The following CNTNAP2 variants were observed in gnomAD, a reference collection of about 807,000 sequenced individuals.
The protein encoded by CNTNAP2 is contactin-associated protein-like 2.
Under a neutral mutation model 155.2 loss-of-function variants are expected in CNTNAP2, and 98 were observed. The ratio of observed to expected loss-of-function variants is 0.63; its 90% CI spans 0.54 to 0.75. The LOEUF (loss-of-function observed/expected upper bound fraction) is 0.75. Among genes scored for constraint, CNTNAP2 ranks in the 30% least tolerant of loss-of-function variants. The pLI is 0.00. For synonymous variants in CNTNAP2, 651 were observed against 631.2 expected, an observed-to-expected ratio of 1.03 and a Z score of -0.47; for missense variants, 1,727 against 1,688.1, an observed-to-expected ratio of 1.02 and a Z score of -0.40.
intron 21 of CNTNAP2, among the ~76,000 whole-genome samples, chr7:148,327,362 C>T (rs1797911121): frequency 1.3e-5 from 2 of 152,212 alleles, no homozygotes; most frequent in African/African-American, 4.8e-5. Context: ...TGCTGGACGA[C>T]TTCTCCCTGA....
chr7:148,266,795 A>G (rs1057381991), intron 20 of CNTNAP2, among the ~76,000 whole-genome samples: 2 of 152,150 alleles, frequency 1.3e-5, no homozygotes, highest in Non-Finnish European at 2.9e-5. Flanking sequence ...AATGTACATC[A>G]CCTGGAGAGC....
intron 1 of CNTNAP2, among the ~76,000 whole-genome samples, chr7:146,489,791 G>T (rs187431656): frequency 2.1e-4 from 32 of 151,938 alleles, no homozygotes; most frequent in Admixed American, 1.4e-3. Context: ...GGCACGTGGG[G>T]GTGGTCTCCA....
intron 1 of CNTNAP2, among the ~76,000 whole-genome samples, chr7:146,759,340 A>T (rs1802045838): frequency 6.6e-6 from 1 of 152,114 alleles, no homozygotes. Flanking sequence ...AAAATAAGGG[A>T]AATGTGTGTG....
chr7:147,347,606 C>T (rs1187562187), intron 9 of CNTNAP2, among the ~76,000 whole-genome samples: 2 of 151,246 alleles, frequency 1.3e-5, no homozygotes, highest in Admixed American at 6.6e-5. Context: ...TCAGATACTA[C>T]CAGAAGCAAC....
intron 13 of CNTNAP2, among the ~76,000 whole-genome samples, chr7:147,738,915 A>G (rs76060300): frequency 6.6e-5 from 10 of 152,264 alleles, no homozygotes; most frequent in African/African-American, 2.4e-4. Context: ...TTGGCCTCCC[A>G]AAGTGCTGGA....
chr7:147,649,565 T>A (rs184985625), intron 13 of CNTNAP2, among the ~76,000 whole-genome samples: 1 of 152,276 alleles, frequency 6.6e-6, no homozygotes, highest in Admixed American at 6.5e-5. Flanking sequence ...AAAGCTGAAT[T>A]TTCTTTGAAG....
intron 1 of CNTNAP2, among the ~76,000 whole-genome samples, chr7:146,342,566 G>A (rs937641589): frequency 6.6e-6 from 1 of 152,016 alleles, no homozygotes; most frequent in Non-Finnish European, 1.5e-5. Context: ...CTAATTAAGG[G>A]TAAAAAACTT....
intron 3 of CNTNAP2, among the ~76,000 whole-genome samples, chr7:147,029,174 A>T (rs1798980394): frequency 6.6e-6 from 1 of 152,038 alleles, no homozygotes. Flanking sequence ...CATGTTAGCC[A>T]GGATGGTCTC....
chr7:146,144,560 GTGTA>G (rs1267706729), intron 1 of CNTNAP2, among the ~76,000 whole-genome samples: 2 of 152,202 alleles, frequency 1.3e-5, no homozygotes, highest in Admixed American at 6.5e-5. Context: ...TAGTGGATGA[GTGTA>G]TGTGTAAAAC....
intron 10 of CNTNAP2, among the ~76,000 whole-genome samples, chr7:147,429,237 C>G (rs573572250): frequency 6.6e-6 from 1 of 151,480 alleles, no homozygotes; most frequent in East Asian, 1.9e-4. Flanking sequence ...TTTGCAATTG[C>G]AGATTGTCAT....
chr7:147,414,204 C>T (rs924250161), intron 10 of CNTNAP2, among the ~76,000 whole-genome samples: 9 of 151,956 alleles, frequency 5.9e-5, no homozygotes, highest in African/African-American at 1.7e-4. Context: ...GCAGGCCGAT[C>T]GCTTGCGATC....
chr7:147,822,093 A>G (rs1439533128), intron 13 of CNTNAP2, among the ~76,000 whole-genome samples: 1 of 152,146 alleles, frequency 6.6e-6, no homozygotes, highest in African/African-American at 2.4e-5. Context: ...GTCTCATGGA[A>G]GTCTTCTATG....
chr7:146,594,439 C>A (rs1292159115), intron 1 of CNTNAP2, among the ~76,000 whole-genome samples: 2 of 151,720 alleles, frequency 1.3e-5, no homozygotes. Context: ...TGTTTACACA[C>A]ACACACACAC....
intron 9 of CNTNAP2, among the ~76,000 whole-genome samples, chr7:147,344,061 A>T (rs1024875642): frequency 6.7e-6 from 1 of 149,414 alleles, no homozygotes; most frequent in Non-Finnish European, 1.5e-5. Flanking sequence ...AGGCTAAGGG[A>T]GGTTAAGCGA....
intron 3 of CNTNAP2, among the ~76,000 whole-genome samples, chr7:146,957,966 A>C (rs1416518279): frequency 6.6e-6 from 1 of 152,222 alleles, no homozygotes; most frequent in East Asian, 1.9e-4. Flanking sequence ...AGAATGATTT[A>C]GATGTACAGA....
chr7:147,229,104 A>C lies in CNTNAP2; in HGVS notation c.1349-71037A>C, dbSNP rs562376651. Among the ~76,000 whole-genome samples the C allele has an allele frequency of 3.9e-3, 600 of 152,270 alleles. 4 individuals are homozygous for C. Among genetic ancestry groups the C allele is most frequent in the African/African-American group, 0.014 (567 of 41,556 alleles). ...CTCTTAAATCCTAATATGCAAATCT[A>C]ACCTGGGAAAACCATTACACTGGTT... On this transcript the variant is annotated intron_variant, in intron 8 of 23. Transcript: ENST00000361727.
chr7:146,868,598 C>A (rs1487289379), intron 3 of CNTNAP2, among the ~76,000 whole-genome samples: 1 of 152,106 alleles, frequency 6.6e-6, no homozygotes, highest in Non-Finnish European at 1.5e-5. Flanking sequence ...TTGTAAATTG[C>A]TTTGGGCTGT....
intron 5 of CNTNAP2, among the ~76,000 whole-genome samples, chr7:147,114,381 C>G (rs767092814): frequency 3.3e-5 from 5 of 152,062 alleles, no homozygotes; most frequent in African/African-American, 1.2e-4. Context: ...TTTTCTGCCT[C>G]GATGATCTGT....
At chr7:147,083,788 T>TATATACATATACACATGTATGTACATATC (rs1800198863) in intron 4 of CNTNAP2, among the ~76,000 whole-genome samples, 3 of 122,890 alleles carry the variant, frequency 2.4e-5, no homozygotes, top group Admixed American at 1.8e-4. Context: ...GTATATATTA[T>TATATACATATACACATGTATGTACATATC]ATATACATAT....
Sources: allele counts gnomAD v4.1 joint callset (sites outside exome capture counted in the v4.1 genomes callset), GRCh38; gene constraint gnomAD v4.1.1; transcripts MANE v1.5; gene names NCBI Gene and HGNC (gene_info 2026-07-23, HGNC 2026-07-21).